Variants in MAP4K3 observed in about 807,000 individuals in gnomAD.
MAP4K3 encodes the protein MAPK/ERK kinase kinase kinase 3.
Under a neutral mutation model 143.5 loss-of-function variants are expected in MAP4K3, and 94 were observed. That is an observed-to-expected ratio of 0.65 (90% CI 0.55 to 0.78). The LOEUF is 0.78. Ranked by LOEUF, MAP4K3 falls within the 30% of genes least tolerant of loss-of-function variation. The pLI, the probability that MAP4K3 is intolerant of heterozygous loss-of-function variation, is 0.00. For missense variants in MAP4K3, 1,077 were observed against 1,068.1 expected, an observed-to-expected ratio of 1.01 and a Z score of -0.12; for synonymous variants, 416 against 347.2, an observed-to-expected ratio of 1.20 and a Z score of -2.20.
At chr2:39,369,349 C>CCAAG (rs2148569557) in intron 2 of MAP4K3, among the ~76,000 whole-genome samples, 1 of 152,030 alleles carries the variant, frequency 6.6e-6, no homozygotes, top group East Asian at 1.9e-4. Flanking sequence ...GTGCGAGCCA[C>CCAAG]CAAGCCAGGC....
intron 31 of MAP4K3, among the ~76,000 whole-genome samples, chr2:39,257,796 C>CAAAAAAAA: frequency 1.7e-5 from 1 of 59,672 alleles, no homozygotes; most frequent in Non-Finnish European, 3.6e-5. Context: ...CACTCCATCT[C>CAAAAAAAA]AAAAAAAAAA....
At chr2:39,291,669 T>C (rs916875392) in intron 18 of MAP4K3, among the ~76,000 whole-genome samples, 1 of 152,138 alleles carries the variant, frequency 6.6e-6, no homozygotes, top group Non-Finnish European at 1.5e-5. Context: ...GCAGATTGCT[T>C]GAGCTCAGGA....
At chr2:39,325,988 G>A (rs1329867714) in intron 9 of MAP4K3, 27 bp from the exon 10 acceptor site, 1 of 1,547,322 alleles carries the variant, frequency 6.5e-7, no homozygotes, top group South Asian at 1.2e-5. Flanking sequence ...TCATTACACA[G>A]CATTTTAATA....
chr2:39,250,819 A>C, intron 33 of MAP4K3, 114 bp from the exon 34 acceptor site: 1 of 764,446 alleles, frequency 1.3e-6, no homozygotes, highest in East Asian at 2.7e-5. Context: ...TGCTCATTTG[A>C]TCGTGGGCAG....
chr2:39,435,651 A>G (rs1291660925), intron 1 of MAP4K3, among the ~76,000 whole-genome samples: 1 of 152,242 alleles, frequency 6.6e-6, no homozygotes, highest in Non-Finnish European at 1.5e-5. Context: ...GCTATTTAAT[A>G]CTGTCCTTGT....
rs111545369 is a variant in MAP4K3 at position 39,381,011 on chromosome 2, C to A, written c.97-2888G>T. 1.2e-3 allele frequency among the ~76,000 whole-genome samples: 185 copies of A among 152,308 alleles called. 2 individuals carry two copies. Among genetic ancestry groups the A allele is most frequent in the African/African-American group, 4.3e-3 (179 of 41,576 alleles). Reference sequence around the variant, plus strand: ...TCAATCCCTGGCAACCACTAATCTACTTTCCATCTCTATGGATTTGACTAT... The same window carrying A: ...TCAATCCCTGGCAACCACTAATCTAATTTCCATCTCTATGGATTTGACTAT... On this transcript the variant is annotated intron_variant, in intron 1 of 33. Coordinates refer to ENST00000263881, the MANE Select transcript of MAP4K3 (RefSeq NM_003618.4).
intron 23 of MAP4K3, among the ~76,000 whole-genome samples, chr2:39,279,284 C>T (rs1406435396): frequency 6.6e-6 from 1 of 152,108 alleles, no homozygotes; most frequent in Non-Finnish European, 1.5e-5. Context: ...AAGATTAGTA[C>T]TGGGAGATTA....
chr2:39,343,725 TTA>T (rs1208493163), intron 3 of MAP4K3, among the ~76,000 whole-genome samples: 1 of 152,172 alleles, frequency 6.6e-6, no homozygotes, highest in African/African-American at 2.4e-5. Flanking sequence ...TTCCCTTTAG[TTA>T]AAAACTTCTC....
intron 1 of MAP4K3, among the ~76,000 whole-genome samples, chr2:39,419,955 A>C (rs1667501341): frequency 6.6e-6 from 1 of 152,224 alleles, no homozygotes; most frequent in Non-Finnish European, 1.5e-5. Context: ...GAAAGATGAA[A>C]AAGGTTTAGT....
intron 31 of MAP4K3, 31 bp from the exon 32 acceptor site, chr2:39,254,551 A>T (rs1680272758): frequency 1.3e-6 from 2 of 1,573,590 alleles, no homozygotes; most frequent in Admixed American, 1.7e-5. Context: ...AATTACTGTT[A>T]ATAGTACAAA....
At position 39,254,517 on chromosome 2, in the gene MAP4K3, C is replaced by T; in HGVS notation, c.2474G>A (p.Cys825Tyr). The change falls in exon 32 of 34, where the codon TGC becomes TAC. Residue 825 changes from cysteine (C) to tyrosine (Y), a missense_variant. Physicochemically the swap from Cys to Tyr is radical, Grantham distance 194 (BLOSUM62 -2). Coordinates refer to ENST00000263881, the MANE Select transcript of MAP4K3 (RefSeq NM_003618.4). Reference protein sequence around the residue: ...TFDFQIESIVCLQDSVLAFWK... With the variant: ...TFDFQIESIVYLQDSVLAFWK... ...GAAAGCTAGCACACTGTCTTGTAGG[C>T]ACACTAGCAGGCAAGAACAGCTCAA... 6.2e-7 allele frequency: 1 copy of T among 1,612,928 alleles called. No individual in the cohort carries two copies. Among genetic ancestry groups the T allele is most frequent in the Middle Eastern group, 1.7e-4 (1 of 6,056 alleles).
chr2:39,307,131 T>C (rs1024516460), intron 15 of MAP4K3, among the ~76,000 whole-genome samples: 1 of 152,126 alleles, frequency 6.6e-6, no homozygotes, highest in Admixed American at 6.5e-5. Context: ...TGTATGTTAC[T>C]AAGGTAAAGA....
intron 1 of MAP4K3, among the ~76,000 whole-genome samples, chr2:39,389,453 G>A (rs1440341749): frequency 1.3e-5 from 2 of 152,038 alleles, no homozygotes; most frequent in African/African-American, 4.8e-5. Context: ...ACAGTCTCAA[G>A]GAGAGCAAAT....
intron 21 of MAP4K3, among the ~76,000 whole-genome samples, chr2:39,284,055 TTC>T (rs1355520736): frequency 6.6e-6 from 1 of 152,220 alleles, no homozygotes; most frequent in Non-Finnish European, 1.5e-5. Context: ...TGCCAATAAT[TTC>T]TGATACCTTT....
chr2:39,348,733 TTTATC>T (rs1221656860), intron 3 of MAP4K3, among the ~76,000 whole-genome samples: 7 of 152,196 alleles, frequency 4.6e-5, no homozygotes, highest in Non-Finnish European at 1.0e-4. Context: ...TGTAAAATTA[TTTATC>T]TTATAAGAAA....
chr2:39,292,532 G>C (rs1181061417), intron 18 of MAP4K3, among the ~76,000 whole-genome samples: 1 of 152,180 alleles, frequency 6.6e-6, no homozygotes, highest in African/African-American at 2.4e-5. Context: ...TTGGTACCTT[G>C]ATCTTGAACT....
At chr2:39,315,229 A>G in intron 13 of MAP4K3, 81 bp downstream of exon 13, 1 of 960,470 alleles carries the variant, frequency 1.0e-6, no homozygotes, top group South Asian at 1.7e-5. Flanking sequence ...ATTCAGAAGG[A>G]AATAAAACAA....
At chr2:39,330,200 T>TA (rs1683637360) in intron 8 of MAP4K3, among the ~76,000 whole-genome samples, 2 of 151,774 alleles carry the variant, frequency 1.3e-5, no homozygotes, top group Admixed American at 6.6e-5. Flanking sequence ...GTAAAAACAA[T>TA]AAAAAAATAT....
intron 31 of MAP4K3, among the ~76,000 whole-genome samples, chr2:39,255,562 T>C (rs1390715993): frequency 2.6e-5 from 4 of 152,262 alleles, no homozygotes; most frequent in Admixed American, 2.6e-4. Context: ...TATTTATTCC[T>C]GTGTTGTTAC....
Sources: gnomAD v4.1 joint callset for allele counts (sites outside exome capture counted in the v4.1 genomes callset) on GRCh38, gnomAD v4.1.1 for gene constraint, MANE v1.5 for transcripts, NCBI Gene and HGNC (gene_info 2026-07-23, HGNC 2026-07-21) for gene names.